Variants in NDUFA5 observed in about 807,000 individuals in gnomAD.
The protein encoded by NDUFA5 is NADH:ubiquinone oxidoreductase subunit A5.
In NDUFA5, 11 loss-of-function variants were observed where a neutral mutation model predicts 19.8. That is an observed-to-expected ratio of 0.56 (90% CI 0.35 to 0.92). The LOEUF (loss-of-function observed/expected upper bound fraction) is 0.92, where lower values mean the gene tolerates loss of function less well. Among genes scored for constraint, NDUFA5 ranks in the 40% least tolerant of loss-of-function variants. The probability of loss-of-function intolerance (pLI) is 0.01; values close to 1 mark genes in which losing one functional copy is unlikely to be tolerated. For missense variants in NDUFA5, 109 were observed against 134.2 expected (o/e 0.81, Z 0.93); for synonymous variants, 47 against 46.8 (o/e 1.00, Z -0.01).
At position 123,542,228 on chromosome 7, in the gene NDUFA5, T is replaced by G. The variant is rs1326768244; in HGVS notation, c.250-8A>C. 1.9e-6 allele frequency: 3 copies of G among 1,599,966 alleles called. No individual in the cohort carries two copies. In the East Asian group the frequency reaches 6.7e-5, roughly 36 times the overall value. ...ATTTAGTTCATGTTCAGCCTGTTAA[T>G]ACAAATTTTTTAAAAGATCATTGGA... On this transcript the variant is annotated splice_region_variant and splice_polypyrimidine_tract_variant and intron_variant, in intron 4 of 4. Coordinates refer to ENST00000355749, the MANE Select transcript of NDUFA5 (RefSeq NM_005000.5).
At chr7:123,593,075 A>G in the NDUFA5 span, among the ~76,000 whole-genome samples, 2 of 151,886 alleles carry the variant, frequency 1.3e-5, no homozygotes, top group African/African-American at 2.4e-5. Flanking sequence ...TTGTTTTATC[A>G]GAGACCAGGA....
At chr7:123,585,529 G>T in the NDUFA5 span, among the ~76,000 whole-genome samples, 1 of 151,758 alleles carries the variant, frequency 6.6e-6, no homozygotes, top group African/African-American at 2.4e-5. Flanking sequence ...AATAAAACGT[G>T]TATATACATA....
the NDUFA5 span, among the ~76,000 whole-genome samples, chr7:123,583,638 C>T: frequency 2.6e-5 from 4 of 151,650 alleles, no homozygotes; most frequent in African/African-American, 9.7e-5. Context: ...ACAAAATGAG[C>T]GAAGAAAGAT....
At chr7:123,545,802 T>C (rs1350426948) in intron 3 of NDUFA5, 126 bp from the exon 4 acceptor site, 3 of 630,454 alleles carry the variant, frequency 4.8e-6, no homozygotes, top group East Asian at 6.0e-5. Flanking sequence ...ATACTCTTTT[T>C]ACTAAATATT....
the NDUFA5 span, among the ~76,000 whole-genome samples, chr7:123,568,995 C>G: frequency 6.6e-6 from 1 of 152,068 alleles, no homozygotes. Flanking sequence ...AGAGAAAGGA[C>G]TTCAGAAATG....
chr7:123,573,533 C>T, the NDUFA5 span, among the ~76,000 whole-genome samples: 1 of 152,096 alleles, frequency 6.6e-6, no homozygotes, highest in African/African-American at 2.4e-5. Flanking sequence ...TCTGTGAGGG[C>T]TTTCTCTAAA....
intron 3 of NDUFA5, among the ~76,000 whole-genome samples, chr7:123,548,757 A>G (rs986577713): frequency 6.6e-5 from 10 of 152,248 alleles, no homozygotes; most frequent in African/African-American, 2.4e-4. Flanking sequence ...ATGCAGATAA[A>G]GGTAGCTAAG....
At chr7:123,574,521 C>T in the NDUFA5 span, among the ~76,000 whole-genome samples, 1 of 152,246 alleles carries the variant, frequency 6.6e-6, no homozygotes, top group South Asian at 2.1e-4. Flanking sequence ...GGGCTGTGAA[C>T]CACACTTTAA....
chr7:123,582,480 C>T, the NDUFA5 span, among the ~76,000 whole-genome samples: 1 of 151,960 alleles, frequency 6.6e-6, no homozygotes, highest in African/African-American at 2.4e-5. Flanking sequence ...TCAGTATATA[C>T]ATATATCCTA....
chr7:123,590,835 C>T, the NDUFA5 span, among the ~76,000 whole-genome samples: 1 of 151,994 alleles, frequency 6.6e-6, no homozygotes, highest in African/African-American at 2.4e-5. Flanking sequence ...ATTCTGTGAA[C>T]AAAGGCAGTG....
chr7:123,571,154 T>G, the NDUFA5 span, among the ~76,000 whole-genome samples: 1 of 152,190 alleles, frequency 6.6e-6, no homozygotes, highest in Non-Finnish European at 1.5e-5. Context: ...ACAAATACAA[T>G]TGAGAAGCAC....
rs1797886546 is a variant in NDUFA5 at position 123,540,374 on chromosome 7, A to G, written c.*1745T>C. ...TCAGTAACACTGTTGGTGAAACATAAAAGATGCCCAAGAATCATGGCAGAT... is the reference window on the plus strand; with the variant it reads ...TCAGTAACACTGTTGGTGAAACATAGAAGATGCCCAAGAATCATGGCAGAT... On this transcript the variant is annotated 3_prime_UTR_variant, in exon 5 of 5. Coordinates refer to ENST00000355749, the MANE Select transcript of NDUFA5 (RefSeq NM_005000.5). 1.3e-5 allele frequency: 2 copies of G among 152,194 alleles called. No individual in the cohort carries two copies. Among genetic ancestry groups the G allele is most frequent in the South Asian group, 2.1e-4 (1 of 4,832 alleles). The allele number at this position is 152,194 out of a possible 1,614,324, so 9.4% of individuals were successfully genotyped here. A position where few individuals can be genotyped will look rare whatever the true frequency, so the allele number is the denominator to read the frequency against.
chr7:123,549,006 A>G (rs916492516), intron 3 of NDUFA5, among the ~76,000 whole-genome samples: 5 of 139,152 alleles, frequency 3.6e-5, no homozygotes, highest in African/African-American at 7.9e-5. Context: ...ACAGCATTAC[A>G]TTGTAGTATT....
At chr7:123,570,294 C>G in the NDUFA5 span, among the ~76,000 whole-genome samples, 10 of 152,020 alleles carry the variant, frequency 6.6e-5, no homozygotes, top group South Asian at 6.2e-4. Context: ...CCTCGGCCCC[C>G]CAAAGTGCTG....
At position 123,552,897 on chromosome 7, in the gene NDUFA5, C is replaced by T. The variant is rs545559705; in HGVS notation, c.67-2311G>A. On this transcript the variant is annotated intron_variant, in intron 2 of 4. Coordinates refer to ENST00000355749, the MANE Select transcript of NDUFA5 (RefSeq NM_005000.5). ...GCACAAGCACCATCCTTTAAGATCC[C>T]CAGCAAGCCTTTGCTACTTGCATTC... is the stretch of plus-strand genomic sequence containing the variant. Among the ~76,000 whole-genome samples, 374 of 152,276 alleles carry T rather than the reference C, an allele frequency of 2.5e-3. 1 individual carries two copies. The highest frequency in any genetic ancestry group is 8.4e-3 in the African/African-American group (350 of 41,546).
chr7:123,569,832 T>C, the NDUFA5 span, among the ~76,000 whole-genome samples: 3 of 152,270 alleles, frequency 2.0e-5, no homozygotes, highest in South Asian at 6.2e-4. Context: ...ACTAATTTCT[T>C]TGGCAAGTTA....
chr7:123,577,930 G>A, the NDUFA5 span, among the ~76,000 whole-genome samples: 10 of 151,794 alleles, frequency 6.6e-5, no homozygotes, highest in East Asian at 1.9e-4. Context: ...TCCGGGATAC[G>A]TGTGCAGAAT....
In NDUFA5 at chr7:123,540,174, G is replaced by C. The variant is rs1797879332; in HGVS notation, c.*1945C>G. 6.6e-6 allele frequency: 1 copy of C among 152,180 alleles called. No homozygotes were observed. Among genetic ancestry groups the C allele is most frequent in the Admixed American group, 6.5e-5 (1 of 15,280 alleles). 9.4% of individuals were successfully genotyped at this position (152,180 alleles called of 1,614,324 possible). ...TTGTAGTATCACTCTTAGGGTTGTA[G>C]TGCAGGTTTAATGAGTGAAATTAGT... On this transcript the variant is annotated 3_prime_UTR_variant, in exon 5 of 5. Transcript: ENST00000355749.
At chr7:123,557,327 A>G in intron 2 of NDUFA5, 77 bp downstream of exon 2, 7 of 1,594,828 alleles carry the variant, frequency 4.4e-6, no homozygotes, top group Non-Finnish European at 6.0e-6. Flanking sequence ...TATCCCGTTA[A>G]CCCTGCAATA....
Sources: gnomAD v4.1 joint callset for allele counts (sites outside exome capture counted in the v4.1 genomes callset) on GRCh38, gnomAD v4.1.1 for gene constraint, MANE v1.5 for transcripts, NCBI Gene and HGNC (gene_info 2026-07-23, HGNC 2026-07-21) for gene names.